Variants in PIK3CD observed in about 807,000 individuals in gnomAD.
PIK3CD encodes phosphatidylinositol-4,5-bisphosphate 3-kinase catalytic subunit delta.
A neutral mutation model predicts 122.9 loss-of-function variants in PIK3CD; 20 were observed. That is an observed-to-expected ratio of 0.16 (90% CI 0.11 to 0.24). The LOEUF is 0.24. Among genes scored for constraint, PIK3CD ranks in the 10% least tolerant of loss-of-function variants. The pLI, the probability that PIK3CD is intolerant of heterozygous loss-of-function variation, is 1.00. For synonymous variants in PIK3CD, 596 were observed against 593.4 expected (o/e 1.00, Z -0.06); for missense variants, 787 against 1,406.3 (o/e 0.56, Z 7.04).
chr1:9,629,062 G>A, the PIK3CD span, among the ~76,000 whole-genome samples: 1 of 152,078 alleles, frequency 6.6e-6, no homozygotes, highest in African/African-American at 2.4e-5. Context: ...TCTCCCCACT[G>A]TCACCCCAGT....
Position 9,722,317 on chromosome 1 carries a change from A to G in PIK3CD, c.2308A>G (p.Ser770Gly), listed in dbSNP as rs1648802066. 6.2e-7 allele frequency: 1 copy of G among 1,613,276 alleles called. No homozygotes were observed. The change falls in exon 18 of 24, where the codon AGC becomes GGC. Residue 770 changes from serine to glycine, a missense_variant. Ser to Gly is a moderately conservative substitution (Grantham distance 56). Around this residue, in one of 6 missense-constraint regions of PIK3CD, gnomAD observed 69 missense variants for 166.8 expected, o/e 0.41. Transcript: ENST00000377346. The surrounding 1 kb of genome is among the most constrained non-coding windows in gnomAD (Gnocchi z 7.6). ...WIMYSNEEAG[S>G]GGSVGIIFKN... Reference sequence around the variant, plus strand: ...CATGTACAGCAACGAGGAGGCAGGCAGCGGCGGCAGCGTGGGCATCATCTT... The same window carrying G: ...CATGTACAGCAACGAGGAGGCAGGCGGCGGCGGCAGCGTGGGCATCATCTT...
In PIK3CD at chr1:9,652,377, G is replaced by C. The variant is rs1211513128; in HGVS notation, c.-138+575G>C. Among the ~76,000 whole-genome samples the C allele has an allele frequency of 2.0e-5, 3 of 152,162 alleles. No homozygotes were observed. Among genetic ancestry groups the C allele is most frequent in the Admixed American group, 6.5e-5 (1 of 15,288 alleles). ...TTCCCAGCCTGGGCAAGTGGGGAGC[G>C]GGGCTGCAGAGGGGCCGGGGTGGAA... is the stretch of plus-strand genomic sequence containing the variant. On this transcript the variant is annotated intron_variant, in intron 1 of 23. Transcript: ENST00000377346. The surrounding 1 kb of genome is among the most constrained non-coding windows in gnomAD (Gnocchi z 6.2).
rs780257148 is a variant in PIK3CD at position 9,654,245 on chromosome 1, C to T, written c.-138+2443C>T. On this transcript the variant is annotated intron_variant, in intron 1 of 23. Coordinates refer to ENST00000377346, the MANE Select transcript of PIK3CD (RefSeq NM_005026.5). Reference sequence around the variant, plus strand: ...CACGTGCCCCAGAGGTACTCCCGACCACGCAGATGTCCCCTTCTGGCAGGA... The same window carrying T: ...CACGTGCCCCAGAGGTACTCCCGACTACGCAGATGTCCCCTTCTGGCAGGA... 2.0e-5 allele frequency: 28 copies of T among 1,367,742 alleles called. 1 individual carries two copies. The highest frequency in any genetic ancestry group is 2.7e-5 in the Non-Finnish European group (28 of 1,021,864). 84.7% of individuals were successfully genotyped at this position (1,367,742 alleles called of 1,614,324 possible).
intron 2 of PIK3CD, among the ~76,000 whole-genome samples, chr1:9,698,283 T>C (rs1462584314): frequency 1.3e-5 from 2 of 152,072 alleles, no homozygotes; most frequent in Non-Finnish European, 2.9e-5. Flanking sequence ...GCTGGGATTA[T>C]AGGCATGCGC....
intron 23 of PIK3CD, among the ~76,000 whole-genome samples, chr1:9,726,275 A>C (rs571402360): frequency 6.6e-6 from 1 of 152,166 alleles, no homozygotes; most frequent in East Asian, 1.9e-4. Flanking sequence ...TTGGGAGGCC[A>C]AGGCGGGTGA....
chr1:9,658,104 T>C (rs1644909992), intron 1 of PIK3CD, among the ~76,000 whole-genome samples: 1 of 152,160 alleles, frequency 6.6e-6, no homozygotes, highest in Non-Finnish European at 1.5e-5. Flanking sequence ...CATTTATGGC[T>C]GGGCATGGTG....
chr1:9,696,955 G>A (rs61783043), intron 2 of PIK3CD, among the ~76,000 whole-genome samples: 11,981 of 151,334 alleles, frequency 0.079, 641 homozygotes, highest in Non-Finnish European at 0.11. Context: ...AATTAGCCAA[G>A]TGTGGTGGTG....
At chr1:9,636,242 G>A in the PIK3CD span, among the ~76,000 whole-genome samples, 1 of 152,148 alleles carries the variant, frequency 6.6e-6, no homozygotes, top group Non-Finnish European at 1.5e-5. Flanking sequence ...TGCCCAGGCT[G>A]GAGTGCAGCA....
chr1:9,629,531 A>G, the PIK3CD span, among the ~76,000 whole-genome samples: 1 of 145,276 alleles, frequency 6.9e-6, no homozygotes, highest in African/African-American at 2.6e-5. Flanking sequence ...TCAAAGCCTG[A>G]GAAAGAATCG....
At position 9,689,205 on chromosome 1, in the gene PIK3CD, T is replaced by G. The variant is rs1263626498; in HGVS notation, c.-137-2262T>G. 1.3e-5 allele frequency among the ~76,000 whole-genome samples: 2 copies of G among 152,170 alleles called. No homozygotes were observed. Among genetic ancestry groups the G allele is most frequent in the African/African-American group, 4.8e-5 (2 of 41,460 alleles). On this transcript the variant is annotated intron_variant, in intron 1 of 23. Transcript: ENST00000377346. The surrounding 1 kb of genome is among the most constrained non-coding windows in gnomAD (Gnocchi z 6.1). Reference sequence around the variant, plus strand: ...CTTTGCAGGTGGCGCTTTCTATTTATTGATTGTAAGGTGAAACCTAGGCCA... The same window carrying G: ...CTTTGCAGGTGGCGCTTTCTATTTAGTGATTGTAAGGTGAAACCTAGGCCA...
In PIK3CD at chr1:9,715,463, G is replaced by A. The variant is rs1293555131; in HGVS notation, c.142-78G>A. 1 of 1,321,550 alleles carries A rather than the reference G, an allele frequency of 7.6e-7. No homozygotes were observed. Among genetic ancestry groups the A allele is most frequent in the African/African-American group, 1.4e-5 (1 of 69,218 alleles). 81.9% of individuals were successfully genotyped at this position (1,321,550 alleles called of 1,614,324 possible). On this transcript the variant is annotated intron_variant, in intron 3 of 23. Transcript: ENST00000377346. This position sits in a 1 kb window ranked among gnomAD's most constrained non-coding sequence, Gnocchi z 4.1. ...GTTTGGACCCCCAGGCTGGAGGCCA[G>A]CTCTCCACCCTCCCTCAGCCTCCCA... is the stretch of plus-strand genomic sequence containing the variant.
chr1:9,650,552 ATGCAGAGAT>A (rs1644652468), upstream of PIK3CD, among the ~76,000 whole-genome samples: 2 of 152,210 alleles, frequency 1.3e-5, no homozygotes, highest in African/African-American at 4.8e-5. Flanking sequence ...TGAACCCAGG[ATGCAGAGAT>A]TGCAGTGAGC....
intron 2 of PIK3CD, among the ~76,000 whole-genome samples, chr1:9,693,662 T>G (rs1646291080): frequency 6.7e-6 from 1 of 149,476 alleles, no homozygotes; most frequent in African/African-American, 2.5e-5. Flanking sequence ...AAAATGAAAG[T>G]AAAGGAATAA....
rs776778083 is a variant in PIK3CD, at chr1:9,726,926, G to T, written c.3015G>T (p.Gly1005=). 1.7e-5 allele frequency: 27 copies of T among 1,613,864 alleles called. No individual in the cohort carries two copies. In the South Asian group the frequency reaches 1.9e-4, roughly 11 times the overall value. The stretch of plus-strand genomic sequence containing the variant: ...GTTTGCAGGACTCCCTGGCACTGGG[G>T]AAAACAGAGGAGGAGGCACTGAAGC... ...IQYLKDSLAL[G]KTEEEALKHF... Residue 1005 remains glycine (G), a synonymous_variant, in exon 24 of 24, where the codon GGG becomes GGT. Coordinates refer to ENST00000377346, the MANE Select transcript of PIK3CD (RefSeq NM_005026.5).
At chr1:9,716,289 T>A in intron 5 of PIK3CD, 151 bp from the exon 6 acceptor site, 1 of 845,720 alleles carries the variant, frequency 1.2e-6, no homozygotes, top group Admixed American at 2.1e-5. Context: ...GCATTGGGCA[T>A]CAGTTTGTTC....
intron 1 of PIK3CD, among the ~76,000 whole-genome samples, chr1:9,665,319 A>C (rs1645127776): frequency 6.6e-6 from 1 of 151,732 alleles, no homozygotes; most frequent in South Asian, 2.1e-4. Flanking sequence ...TCTCAAGAGG[A>C]AATGCTCTAC....
chr1:9,705,820 T>G (rs1646810103), intron 2 of PIK3CD, among the ~76,000 whole-genome samples: 1 of 152,108 alleles, frequency 6.6e-6, no homozygotes, highest in African/African-American at 2.4e-5. Flanking sequence ...CAATACCAAG[T>G]GTTGACCAAT....
chr1:9,683,037 C>CT (rs773555400), intron 1 of PIK3CD, among the ~76,000 whole-genome samples: 1,858 of 123,426 alleles, frequency 0.015, 29 homozygotes, highest in African/African-American at 0.045. Context: ...GGCCCTGGAC[C>CT]TTTTTTTTTT....
rs776959413 is a variant in PIK3CD, at chr1:9,718,726, C to T, written c.1053C>T (p.Asn351=). Residue 351 remains asparagine (N), a synonymous_variant, in exon 9 of 24, where the codon AAC becomes AAT. Transcript: ENST00000377346. This position sits in a 1 kb window ranked among gnomAD's most constrained non-coding sequence, Gnocchi z 7.2. ...LVVQAGLFHG[N]EMLCKTVSSS... Reference sequence around the variant, plus strand: ...TGCAGGCCGGGCTTTTCCACGGCAACGAGATGCTGTGCAAGACGGTGTCCA... The same window carrying T: ...TGCAGGCCGGGCTTTTCCACGGCAATGAGATGCTGTGCAAGACGGTGTCCA... 6.8e-6 allele frequency: 11 copies of T among 1,607,020 alleles called. No homozygotes were observed. Among genetic ancestry groups the T allele is most frequent in the Admixed American group, 6.7e-5 (4 of 59,926 alleles).
Sources: gnomAD v4.1 joint callset for allele counts (sites outside exome capture counted in the v4.1 genomes callset) on GRCh38, gnomAD v4.1.1 for gene constraint, gnomAD v4.1.1 regional missense constraint, Gnocchi (gnomAD v3.1) non-coding constraint, MANE v1.5 for transcripts, NCBI Gene and HGNC (gene_info 2026-07-23, HGNC 2026-07-21) for gene names.